Variants in TENM1 observed in about 807,000 individuals in gnomAD.
TENM1 encodes teneurin-1.
Under a neutral mutation model 174.8 loss-of-function variants are expected in TENM1, and 35 were observed. The ratio of observed to expected loss-of-function variants is 0.20; its 90% CI spans 0.15 to 0.27. The LOEUF (loss-of-function observed/expected upper bound fraction) is 0.27. TENM1 is among the 10% of genes least tolerant of loss of function. The pLI is 1.00. For synonymous variants in TENM1, 781 were observed against 798.7 expected, an observed-to-expected ratio of 0.98 and a Z score of 0.37; for missense variants, 1,633 against 2,130.1, an observed-to-expected ratio of 0.77 and a Z score of 4.59.
intron 15 of TENM1, among the ~76,000 whole-genome samples, chrX:124,543,893 G>T (rs897120565): frequency 8.9e-6 from 1 of 112,270 alleles, no homozygotes; most frequent in African/African-American, 3.2e-5. Flanking sequence ...AAACAAGAAG[G>T]TCTGGTCTCT....
intron 11 of TENM1, among the ~76,000 whole-genome samples, chrX:124,635,075 C>G (rs759759319): frequency 9.0e-6 from 1 of 111,558 alleles, no homozygotes; most frequent in East Asian, 2.8e-4. Context: ...TTAATAAACT[C>G]AAGAGAGTTT....
chrX:124,461,131 T>C (rs1898950733), intron 22 of TENM1, among the ~76,000 whole-genome samples: 1 of 111,827 alleles, frequency 8.9e-6, no homozygotes, highest in South Asian at 3.7e-4. Flanking sequence ...TGGTGGGGAG[T>C]TCAGTAACTT....
At chrX:124,980,341 C>G in the TENM1 span, among the ~76,000 whole-genome samples, 1 of 111,316 alleles carries the variant, frequency 9.0e-6, no homozygotes, top group Non-Finnish European at 1.9e-5. Context: ...GTGTGCTTTA[C>G]TTTGGTATAC....
chrX:124,466,504 T>G (rs1057253978), intron 22 of TENM1, among the ~76,000 whole-genome samples: 1 of 112,096 alleles, frequency 8.9e-6, no homozygotes, highest in African/African-American at 3.2e-5. Flanking sequence ...TTTTGGTCAT[T>G]TGTAAATTGG....
chrX:124,496,572 C>T (rs926040557), intron 20 of TENM1, among the ~76,000 whole-genome samples: 11 of 111,569 alleles, frequency 9.9e-5, no homozygotes, highest in African/African-American at 2.3e-4. Context: ...ACCAGATTTC[C>T]GTTTTCTTGT....
chrX:124,875,154 T>C (rs2057176394), intron 3 of TENM1, among the ~76,000 whole-genome samples: 1 of 111,418 alleles, frequency 9.0e-6, no homozygotes, highest in African/African-American at 3.3e-5. Flanking sequence ...AAGAAAAAAG[T>C]ATGGCTTTCT....
chrX:124,627,185 GC>G (rs1430487665), intron 11 of TENM1, among the ~76,000 whole-genome samples: 1 of 110,953 alleles, frequency 9.0e-6, no homozygotes, highest in Admixed American at 9.6e-5. Flanking sequence ...TTTCAACCCT[GC>G]CCTCATGTGC....
chrX:125,079,386 G>T, the TENM1 span, among the ~76,000 whole-genome samples: 377 of 111,494 alleles, frequency 3.4e-3, 3 homozygotes, highest in African/African-American at 0.012. Flanking sequence ...ATTTATAAAA[G>T]ACCTTTCTTG....
chrX:124,398,488 T>C (rs1304654583), intron 27 of TENM1, among the ~76,000 whole-genome samples: 2 of 111,531 alleles, frequency 1.8e-5, no homozygotes, highest in Non-Finnish European at 3.8e-5. Flanking sequence ...TCCCATTTTT[T>C]TCTTTCTTTT....
At chrX:124,802,264 T>C (rs1440450144) in intron 3 of TENM1, among the ~76,000 whole-genome samples, 1 of 111,948 alleles carries the variant, frequency 8.9e-6, no homozygotes, top group Non-Finnish European at 1.9e-5. Context: ...GTATCCATCT[T>C]TGAGGCTGCT....
intron 14 of TENM1, among the ~76,000 whole-genome samples, chrX:124,547,767 T>G (rs1040472440): frequency 1.7e-4 from 19 of 112,297 alleles, no homozygotes; most frequent in African/African-American, 5.2e-4. Flanking sequence ...CAGAACCAGT[T>G]TTTTAAGGAA....
intron 22 of TENM1, among the ~76,000 whole-genome samples, chrX:124,477,053 C>T (rs2046742257): frequency 1.8e-5 from 2 of 112,369 alleles, no homozygotes; most frequent in South Asian, 7.3e-4. Flanking sequence ...AGGAGAAGTA[C>T]CCAGAGGCTA....
chrX:124,729,916 G>A (rs1302890857), intron 4 of TENM1, among the ~76,000 whole-genome samples: 1 of 111,314 alleles, frequency 9.0e-6, no homozygotes, highest in Non-Finnish European at 1.9e-5. Flanking sequence ...GAGTGCAGTG[G>A]CGCGATCTCG....
At chrX:124,951,761 T>C (rs1166846959) in intron 1 of TENM1, among the ~76,000 whole-genome samples, 1 of 106,203 alleles carries the variant, frequency 9.4e-6, no homozygotes, top group Non-Finnish European at 1.9e-5. Flanking sequence ...ATACATTTAA[T>C]AAATTAATTT....
At chrX:124,485,946 C>T (rs984026001) in intron 21 of TENM1, among the ~76,000 whole-genome samples, 8 of 111,970 alleles carry the variant, frequency 7.1e-5, no homozygotes, top group Non-Finnish European at 1.1e-4. Flanking sequence ...TGTGTACTGG[C>T]CCTTAGAAAA....
At chrX:124,945,038 T>C (rs1006792224) in intron 1 of TENM1, among the ~76,000 whole-genome samples, 5 of 110,691 alleles carry the variant, frequency 4.5e-5, no homozygotes, top group Non-Finnish European at 5.7e-5. Flanking sequence ...ATAAGCACTA[T>C]GGAAAGAAAA....
chrX:124,384,927 T>C (rs1009605762), intron 29 of TENM1, 73 bp from the exon 33 acceptor site: 1 of 949,148 alleles, frequency 1.1e-6, no homozygotes, highest in African/African-American at 2.0e-5. Context: ...TCTAGTGTTA[T>C]TTTATTTAGT....
At chrX:124,703,846 G>A (rs2052833580) in intron 5 of TENM1, among the ~76,000 whole-genome samples, 1 of 111,985 alleles carries the variant, frequency 8.9e-6, no homozygotes, top group South Asian at 3.7e-4. Context: ...TATAATCCAT[G>A]TTAAATAGAA....
chrX:125,173,207 C>A, the TENM1 span, among the ~76,000 whole-genome samples: 1 of 111,032 alleles, frequency 9.0e-6, no homozygotes, highest in African/African-American at 3.3e-5. Context: ...TTGTGGTGTC[C>A]AAGTAGAATC....
Sources: allele counts gnomAD v4.1 joint callset (sites outside exome capture counted in the v4.1 genomes callset), GRCh38; gene constraint gnomAD v4.1.1; transcripts MANE v1.5; gene names NCBI Gene and HGNC (gene_info 2026-07-23, HGNC 2026-07-21).